FARS2: variants seen among roughly 807,000 people sequenced by gnomAD.
FARS2 encodes phenylalanine--tRNA ligase, mitochondrial.
FARS2 carries 40 observed loss-of-function variants against 46.4 expected under a neutral mutation model. The observed-to-expected ratio is 0.86, with a 90% confidence interval of 0.67 to 1.12. The LOEUF (loss-of-function observed/expected upper bound fraction) is 1.12, where lower values mean the gene tolerates loss of function less well. Among genes scored for constraint, FARS2 ranks in the 50% most tolerant of loss-of-function variants. The pLI is 0.00. For missense variants in FARS2, 513 were observed against 567.9 expected, an observed-to-expected ratio of 0.90 and a Z score of 0.98; for synonymous variants, 234 against 214.9, an observed-to-expected ratio of 1.09 and a Z score of -0.78.
intron 4 of FARS2, among the ~76,000 whole-genome samples, chr6:5,515,899 A>G (rs1238803981): frequency 6.6e-6 from 1 of 152,258 alleles, no homozygotes; most frequent in Non-Finnish European, 1.5e-5. Flanking sequence ...TATCATATTA[A>G]TTACATTTGT....
At chr6:5,721,346 A>T (rs182160130) in intron 6 of FARS2, among the ~76,000 whole-genome samples, 11 of 152,352 alleles carry the variant, frequency 7.2e-5, no homozygotes, top group Admixed American at 3.9e-4. Context: ...GTGTTAATAG[A>T]CTTTTGAGAA....
At chr6:5,599,735 A>C (rs1028012189) in intron 5 of FARS2, among the ~76,000 whole-genome samples, 9 of 152,200 alleles carry the variant, frequency 5.9e-5, no homozygotes, top group African/African-American at 2.2e-4. Context: ...TACTTTTGGC[A>C]TTTTTATTCT....
intron 6 of FARS2, among the ~76,000 whole-genome samples, chr6:5,669,296 GA>G: frequency 6.6e-6 from 1 of 152,218 alleles, no homozygotes; most frequent in East Asian, 1.9e-4. Context: ...CAGATCCTGA[GA>G]AACAGAGAAA....
At chr6:5,270,913 G>C (rs941821167) in intron 1 of FARS2, among the ~76,000 whole-genome samples, 7 of 152,106 alleles carry the variant, frequency 4.6e-5, no homozygotes, top group Non-Finnish European at 8.8e-5. Context: ...TTATTCTTCT[G>C]ATCTCAGTTT....
chr6:5,567,770 A>G (rs995929058), intron 5 of FARS2, among the ~76,000 whole-genome samples: 1 of 152,248 alleles, frequency 6.6e-6, no homozygotes, highest in Non-Finnish European at 1.5e-5. Context: ...GTATGATGAG[A>G]CAGAAGAGAT....
intron 3 of FARS2, among the ~76,000 whole-genome samples, chr6:5,423,491 T>C (rs1333278611): frequency 6.6e-6 from 1 of 152,094 alleles, no homozygotes; most frequent in Non-Finnish European, 1.5e-5. Context: ...TTGGTCTTTC[T>C]GCCAAGCAGA....
intron 4 of FARS2, among the ~76,000 whole-genome samples, chr6:5,498,952 C>T (rs1767634141): frequency 1.3e-5 from 2 of 152,058 alleles, no homozygotes; most frequent in African/African-American, 4.8e-5. Context: ...GGCTGGAGTG[C>T]AGTGGTGCCA....
At chr6:5,379,027 G>A (rs932955188) in intron 2 of FARS2, among the ~76,000 whole-genome samples, 4 of 152,218 alleles carry the variant, frequency 2.6e-5, no homozygotes. Context: ...CTCTTAGTCT[G>A]AGACTCATCA....
Position 5,307,115 on chromosome 6 carries a change from T to C in FARS2, c.-22+45455T>C, listed in dbSNP as rs79344128. Among the ~76,000 whole-genome samples the C allele has an allele frequency of 7.4e-3, 1,120 of 152,330 alleles. 18 individuals carry two copies. Among genetic ancestry groups the C allele is most frequent in the African/African-American group, 0.026 (1,069 of 41,550 alleles). ...AAAAATTATTACATATGTTTTTCTTTGTTATTATATATTTTTCCTACAGAA... is the reference window on the plus strand; with the variant it reads ...AAAAATTATTACATATGTTTTTCTTCGTTATTATATATTTTTCCTACAGAA... On this transcript the variant is annotated intron_variant, in intron 1 of 6. Coordinates refer to ENST00000274680, the MANE Select transcript of FARS2 (RefSeq NM_006567.5).
intron 2 of FARS2, among the ~76,000 whole-genome samples, chr6:5,395,588 T>C (rs953449067): frequency 6.6e-6 from 1 of 152,194 alleles, no homozygotes; most frequent in African/African-American, 2.4e-5. Context: ...AGTGAAATAT[T>C]CCCCTCCATT....
At chr6:5,417,992 G>A (rs939625484) in intron 3 of FARS2, among the ~76,000 whole-genome samples, 1 of 151,798 alleles carries the variant, frequency 6.6e-6, no homozygotes, top group African/African-American at 2.4e-5. Context: ...TTCTTCTACA[G>A]TGTCTAATTT....
At chr6:5,290,223 A>G (rs1767407664) in intron 1 of FARS2, among the ~76,000 whole-genome samples, 1 of 152,182 alleles carries the variant, frequency 6.6e-6, no homozygotes, top group Admixed American at 6.5e-5. Context: ...TGTACCGACT[A>G]CTATGGCAAG....
intron 1 of FARS2, among the ~76,000 whole-genome samples, chr6:5,269,398 A>G (rs1004909810): frequency 6.6e-6 from 1 of 151,498 alleles, no homozygotes; most frequent in Non-Finnish European, 1.5e-5. Context: ...AGCATGGCAC[A>G]TGTGTACATA....
At chr6:5,283,597 A>C (rs1011281069) in intron 1 of FARS2, among the ~76,000 whole-genome samples, 3 of 152,032 alleles carry the variant, frequency 2.0e-5, no homozygotes, top group Non-Finnish European at 4.4e-5. Flanking sequence ...CAGGATGAAA[A>C]ATCAGCTTCT....
At chr6:5,569,282 G>T (rs937811004) in intron 5 of FARS2, among the ~76,000 whole-genome samples, 5 of 151,364 alleles carry the variant, frequency 3.3e-5, no homozygotes, top group African/African-American at 1.2e-4. Context: ...TGTTGCCCAG[G>T]CTGGAGTGCA....
At chr6:5,585,969 ATGG>A (rs1773593491) in intron 5 of FARS2, among the ~76,000 whole-genome samples, 1 of 152,142 alleles carries the variant, frequency 6.6e-6, no homozygotes, top group African/African-American at 2.4e-5. Context: ...TTTTCAATTT[ATGG>A]ATTTATGGAG....
At chr6:5,359,226 G>A (rs1444655701) in intron 1 of FARS2, among the ~76,000 whole-genome samples, 6 of 151,564 alleles carry the variant, frequency 4.0e-5, no homozygotes, top group African/African-American at 1.2e-4. Context: ...TTTTAGTACC[G>A]GCGGGGTTTC....
At chr6:5,498,935 T>C (rs970366508) in intron 4 of FARS2, among the ~76,000 whole-genome samples, 11 of 152,156 alleles carry the variant, frequency 7.2e-5, no homozygotes, top group Admixed American at 3.3e-4. Context: ...TCTCACTCTG[T>C]CACCCAGGCT....
chr6:5,674,220 GAAAA>G (rs1778638560), intron 6 of FARS2, among the ~76,000 whole-genome samples: 24 of 95,610 alleles, frequency 2.5e-4, no homozygotes, highest in Non-Finnish European at 1.1e-4. Context: ...AAAAAGGAAA[GAAAA>G]AGAAACAGTA....
Sources: allele counts gnomAD v4.1 joint callset (sites outside exome capture counted in the v4.1 genomes callset), GRCh38; gene constraint gnomAD v4.1.1; transcripts MANE v1.5; gene names NCBI Gene and HGNC (gene_info 2026-07-23, HGNC 2026-07-21).